TCF7: variants seen among roughly 807,000 people sequenced by gnomAD.
TCF7 encodes transcription factor 7, also known as T-cell-factor-7.
A neutral mutation model predicts 46.8 loss-of-function variants in TCF7; 19 were observed. The ratio of observed to expected loss-of-function variants is 0.41; its 90% CI spans 0.28 to 0.60. The LOEUF (loss-of-function observed/expected upper bound fraction) is 0.60. Ranked by LOEUF, TCF7 falls within the 20% of genes least tolerant of loss-of-function variation. The pLI is 0.35. For synonymous variants in TCF7, 245 were observed against 213.4 expected, an observed-to-expected ratio of 1.15 and a Z score of -1.29; for missense variants, 547 against 504.6, an observed-to-expected ratio of 1.08 and a Z score of -0.81.
intron 3 of TCF7, among the ~76,000 whole-genome samples, chr5:134,121,641 G>A (rs1457772983): frequency 2.6e-5 from 4 of 151,794 alleles, no homozygotes; most frequent in Non-Finnish European, 5.9e-5. Flanking sequence ...GGGAAGCCGT[G>A]GCCACCCTGT....
intron 3 of TCF7, chr5:134,123,820 G>A (rs1756947864): frequency 2.2e-6 from 1 of 456,382 alleles, no homozygotes; most frequent in Non-Finnish European, 4.4e-6. Context: ...AAGGCGGGGA[G>A]AGCCAGCTGC....
At chr5:134,118,902 C>G (rs1756200691) in intron 3 of TCF7, among the ~76,000 whole-genome samples, 1 of 152,196 alleles carries the variant, frequency 6.6e-6, no homozygotes, top group Admixed American at 6.5e-5. Flanking sequence ...CCACCTCAGC[C>G]TTCTGAGTAG....
rs1019576054 is a variant in TCF7, at chr5:134,145,671, T to G, written c.1076-553T>G. 3.3e-6 allele frequency: 5 copies of G among 1,532,950 alleles called. No homozygotes were observed. The African/African-American group carries it at 5.5e-5, about 17-fold the overall frequency. The allele number at this position is 1,532,950 out of a possible 1,614,324, so 95.0% of individuals were successfully genotyped here. A position where few individuals can be genotyped will look rare whatever the true frequency, so the allele number is the denominator to read the frequency against. On this transcript the variant is annotated intron_variant, in intron 9 of 9. Transcript: ENST00000342854. Reference sequence around the variant, plus strand: ...GAGGAGTTTGGGGTGTGTCTGTGTATCCACATACATATGCACGGTGGGAAA... The same window carrying G: ...GAGGAGTTTGGGGTGTGTCTGTGTAGCCACATACATATGCACGGTGGGAAA...
At chr5:134,136,892 T>G (rs879359661) in intron 3 of TCF7, among the ~76,000 whole-genome samples, 1 of 152,168 alleles carries the variant, frequency 6.6e-6, no homozygotes, top group Non-Finnish European at 1.5e-5. Context: ...GAGTCAGAGA[T>G]CACTCATCCA....
the TCF7 span, among the ~76,000 whole-genome samples, chr5:134,109,386 G>T: frequency 6.6e-6 from 1 of 152,138 alleles, no homozygotes; most frequent in African/African-American, 2.4e-5. Context: ...ACCAGGCCTT[G>T]GTGTGCTCCA....
At chr5:134,135,440 G>A (rs534600699) in intron 3 of TCF7, among the ~76,000 whole-genome samples, 1 of 152,294 alleles carries the variant, frequency 6.6e-6, no homozygotes, top group South Asian at 2.1e-4. Context: ...AAGTGATGGT[G>A]GCTTGGACTG....
intron 6 of TCF7, 26 bp from the exon 7 acceptor site, chr5:134,142,695 G>C (rs1294821395): frequency 4.3e-6 from 7 of 1,612,376 alleles, no homozygotes; most frequent in East Asian, 2.2e-5. Flanking sequence ...GGGGGCTCCT[G>C]AACAATCTGG....
chr5:134,112,622 G>A (rs913876078), upstream of TCF7, among the ~76,000 whole-genome samples: 1 of 151,736 alleles, frequency 6.6e-6, no homozygotes, highest in African/African-American at 2.4e-5. Flanking sequence ...AACAGATGGG[G>A]AAAAAAATGT....
At chr5:134,119,707 G>A (rs1580801572) in intron 3 of TCF7, among the ~76,000 whole-genome samples, 1 of 152,346 alleles carries the variant, frequency 6.6e-6, no homozygotes, top group African/African-American at 2.4e-5. Flanking sequence ...GTGCCTGGGG[G>A]AGCAGGAGGT....
In TCF7 at chr5:134,142,991, A is replaced by G. The variant is rs771981574; in HGVS notation, c.919-2A>G. ...CCCACCTGCCCCTCTTCCCTGTTGCAGTGGCACGCGCTGTCGCGAGAAGAG... is the reference window on the plus strand; with the variant it reads ...CCCACCTGCCCCTCTTCCCTGTTGCGGTGGCACGCGCTGTCGCGAGAAGAG... On this transcript the variant is annotated splice_acceptor_variant, in intron 7 of 9. Transcript: ENST00000342854. LOFTEE classifies it high-confidence loss of function. The G allele has an allele frequency of 6.2e-7, 1 of 1,613,584 alleles. No individual in the cohort carries two copies. The highest frequency in any genetic ancestry group is 1.1e-5 in the South Asian group (1 of 91,038).
chr5:134,118,981 C>G (rs1340727186), intron 3 of TCF7, among the ~76,000 whole-genome samples: 1 of 152,190 alleles, frequency 6.6e-6, no homozygotes, highest in Non-Finnish European at 1.5e-5. Context: ...ATGGGTCTCA[C>G]TGTGTTGCCT....
Position 134,146,287 on chromosome 5 carries a change from C to T in TCF7, c.1139C>T (p.Pro380Leu), listed in dbSNP as rs146203501. The T allele has an allele frequency of 8.5e-5, 138 of 1,614,078 alleles. No homozygotes were observed. The highest frequency in any genetic ancestry group is 1.1e-4 in the Non-Finnish European group (131 of 1,180,028). Residue 380 changes from proline (P) to leucine (L), a missense_variant, in exon 10 of 10, where the codon CCG (proline) becomes CTG (leucine). By Grantham distance (98) the Pro-to-Leu change is moderately conservative (BLOSUM62 -3). Around this residue, in one of 3 missense-constraint regions of TCF7, gnomAD observed 90 missense variants for 88.8 expected, o/e 1.01. Transcript: ENST00000342854. The part of the protein sequence containing the change: ...EKAAAPAPFL[P>L]MTVL ...GCCGCTGCCCCAGCCCCGTTCCTTC[C>T]GATGACAGTGCTCTAGGCTGCCCCG...
At chr5:134,123,024 C>G (rs990232790) in intron 3 of TCF7, among the ~76,000 whole-genome samples, 1 of 152,240 alleles carries the variant, frequency 6.6e-6, no homozygotes, top group Non-Finnish European at 1.5e-5. Context: ...CCTTAGTTTT[C>G]TTATCTAAAA....
chr5:134,139,063 G>C lies in TCF7; in HGVS notation c.635+25G>C, dbSNP rs781463420. The C allele has an allele frequency of 1.6e-5, 25 of 1,612,628 alleles. No homozygotes were observed. In the African/African-American group the frequency reaches 2.9e-4, roughly 19 times the overall value. ...GGTGAGTGTGGGCCCAATGGGAAAG[G>C]GGTACCGTGTGCTGGTCAGACCAAG... On this transcript the variant is annotated intron_variant, in intron 5 of 9. Coordinates refer to ENST00000342854, the MANE Select transcript of TCF7 (RefSeq NM_003202.5).
chr5:134,113,666 G>A (rs972610374), upstream of TCF7, among the ~76,000 whole-genome samples: 48 of 152,388 alleles, frequency 3.1e-4, no homozygotes, highest in African/African-American at 1.1e-3. Flanking sequence ...GTAGATGCAG[G>A]GGCTGAGCCA....
chr5:134,138,975 A>G lies in TCF7; in HGVS notation c.572A>G (p.Asp191Gly). 6.2e-7 allele frequency: 1 copy of G among 1,613,528 alleles called. No homozygotes were observed. The highest frequency in any genetic ancestry group is 8.5e-7 in the Non-Finnish European group (1 of 1,179,908). ...KQVHRPLQTP[D>G]LSGFYSLTSG... The stretch of plus-strand genomic sequence containing the variant: ...GTTCACAGGCCTCTGCAGACCCCTG[A>G]CCTCTCTGGCTTCTACTCCCTGACC... Residue 191 changes from aspartate to glycine, a missense_variant, in exon 5 of 10, where the codon GAC becomes GGC. Asp to Gly is a moderately conservative substitution (Grantham distance 94, BLOSUM62 -1). Transcript: ENST00000342854.
At chr5:134,124,068 T>A (rs562934035) in intron 3 of TCF7, among the ~76,000 whole-genome samples, 2 of 151,956 alleles carry the variant, frequency 1.3e-5, no homozygotes, top group African/African-American at 4.8e-5. Flanking sequence ...ACCCCAGAGG[T>A]CAGTGGCTCG....
chr5:134,144,456 T>TG, intron 9 of TCF7: 2 of 328,220 alleles, frequency 6.1e-6, no homozygotes, highest in Non-Finnish European at 1.2e-5. Flanking sequence ...CATAAAAGGC[T>TG]GGATCTCCAT....
At chr5:134,144,885 C>T in intron 9 of TCF7, 1 of 1,611,028 alleles carries the variant, frequency 6.2e-7, no homozygotes, top group South Asian at 1.1e-5. Flanking sequence ...TTTGTCCCCA[C>T]CATCGTTCTC....
Sources: allele counts gnomAD v4.1 joint callset (sites outside exome capture counted in the v4.1 genomes callset), GRCh38; gene constraint gnomAD v4.1.1; regional missense constraint gnomAD v4.1.1; transcripts MANE v1.5; gene names NCBI Gene and HGNC (gene_info 2026-07-23, HGNC 2026-07-21).